MAP2K1: variants seen among roughly 807,000 people sequenced by gnomAD.
The protein encoded by MAP2K1 is mitogen-activated protein kinase kinase 1.
MAP2K1 carries 16 observed loss-of-function variants against 46.3 expected under a neutral mutation model. That is an observed-to-expected ratio of 0.35 (90% CI 0.23 to 0.52). The LOEUF (loss-of-function observed/expected upper bound fraction) is 0.52, where lower values mean the gene tolerates loss of function less well. Ranked by LOEUF, MAP2K1 falls within the 20% of genes least tolerant of loss-of-function variation. The pLI is 0.94. For synonymous variants in MAP2K1, 183 were observed against 185.6 expected (o/e 0.99, Z 0.11); for missense variants, 263 against 497.1 (o/e 0.53, Z 4.48).
intron 5 of MAP2K1, among the ~76,000 whole-genome samples, chr15:66,452,851 A>C (rs188973919): frequency 6.6e-6 from 1 of 152,246 alleles, no homozygotes; most frequent in Non-Finnish European, 1.5e-5. Flanking sequence ...TTTGGTTTCT[A>C]TATGTGTAAA....
At chr15:66,403,146 C>T (rs1021729294) in intron 1 of MAP2K1, among the ~76,000 whole-genome samples, 1 of 152,114 alleles carries the variant, frequency 6.6e-6, no homozygotes, top group Non-Finnish European at 1.5e-5. Flanking sequence ...GGTGGTTGAG[C>T]TTTTACTCTT....
intron 1 of MAP2K1, among the ~76,000 whole-genome samples, chr15:66,423,003 A>G (rs1390889780): frequency 1.3e-5 from 2 of 151,866 alleles, no homozygotes; most frequent in Non-Finnish European, 2.9e-5. Context: ...CTGGGCCTCA[A>G]GTGGTCAAGC....
At chr15:66,436,542 CACAGCTGGA>C (rs1185962121) in intron 2 of MAP2K1, among the ~76,000 whole-genome samples, 195 bp from the exon 3 acceptor site, 1 of 152,236 alleles carries the variant, frequency 6.6e-6, no homozygotes, top group African/African-American at 2.4e-5. Context: ...GGAGCCGAGG[CACAGCTGGA>C]ACAGCCTCCA....
chr15:66,400,166 A>G (rs2093377952), intron 1 of MAP2K1, among the ~76,000 whole-genome samples: 1 of 151,012 alleles, frequency 6.6e-6, no homozygotes, highest in East Asian at 1.9e-4. Flanking sequence ...ACAAACTAGC[A>G]AAAAAAAACC....
Position 66,387,381 on chromosome 15 carries a change from A to C in MAP2K1, c.34A>C (p.Asn12His), listed in dbSNP as rs1267190015. The stretch of plus-strand genomic sequence containing the variant: ...GAAGAAGCCGACGCCCATCCAGCTG[A>C]ACCCGGCCCCCGACGGCTCTGCAGT... ...PKKKPTPIQL[N>H]PAPDGSAVNG... is the part of the protein sequence containing the mutation. Residue 12 changes from asparagine to histidine, a missense_variant, in exon 1 of 11, where the codon AAC becomes CAC. Asn to His is a moderately conservative substitution (Grantham distance 68). Around this residue, in one of 4 missense-constraint regions of MAP2K1, gnomAD observed 31 missense variants for 29.9 expected, o/e 1.04. Coordinates refer to ENST00000307102, the MANE Select transcript of MAP2K1 (RefSeq NM_002755.4). 1.3e-6 allele frequency: 2 copies of C among 1,566,912 alleles called. No homozygotes were observed. Among genetic ancestry groups the C allele is most frequent in the South Asian group, 2.3e-5 (2 of 85,320 alleles).
chr15:66,487,057 T>TG (rs1302121309), intron 7 of MAP2K1, among the ~76,000 whole-genome samples, 171 bp from the exon 8 acceptor site: 2 of 152,194 alleles, frequency 1.3e-5, no homozygotes, highest in African/African-American at 4.8e-5. Flanking sequence ...AGCCCAGACT[T>TG]GTACCCTGGC....
intron 1 of MAP2K1, among the ~76,000 whole-genome samples, chr15:66,429,165 A>G (rs1364625498): frequency 6.6e-6 from 1 of 152,184 alleles, no homozygotes; most frequent in Non-Finnish European, 1.5e-5. Context: ...TGGGTAATTT[A>G]TAAAGTAAAG....
chr15:66,418,109 G>A (rs112535426), intron 1 of MAP2K1, among the ~76,000 whole-genome samples: 2 of 152,302 alleles, frequency 1.3e-5, no homozygotes, highest in Admixed American at 6.5e-5. Flanking sequence ...AAAAGGCCCC[G>A]TTGCAGAGTT....
intron 5 of MAP2K1, among the ~76,000 whole-genome samples, chr15:66,466,335 G>C (rs559382278): frequency 6.6e-6 from 1 of 152,328 alleles, no homozygotes; most frequent in Non-Finnish European, 1.5e-5. Context: ...TAATCAGGTA[G>C]AGAGAAACAA....
At chr15:66,392,069 T>G (rs2093357156) in intron 1 of MAP2K1, among the ~76,000 whole-genome samples, 1 of 152,068 alleles carries the variant, frequency 6.6e-6, no homozygotes, top group Non-Finnish European at 1.5e-5. Flanking sequence ...CAAGTATACC[T>G]ACATGAGGAG....
rs978950097 is a variant in MAP2K1 at position 66,453,449 on chromosome 15, T to C, written c.568+8742T>C. On this transcript the variant is annotated intron_variant, in intron 5 of 10. Coordinates refer to ENST00000307102, the MANE Select transcript of MAP2K1 (RefSeq NM_002755.4). Reference sequence around the variant, plus strand: ...CTCAGCATTTCAGACTCCTGTTGTTTACAAGTCTTCTCCAGAAGCCCTGGA... The same window carrying C: ...CTCAGCATTTCAGACTCCTGTTGTTCACAAGTCTTCTCCAGAAGCCCTGGA... The C allele has an allele frequency of 2.0e-5, 14 of 701,942 alleles. No individual in the cohort carries two copies. In the African/African-American group the frequency reaches 2.1e-4, roughly 10 times the overall value. The allele number at this position is 701,942 out of a possible 1,614,324, so 43.5% of individuals were successfully genotyped here.
intron 6 of MAP2K1, among the ~76,000 whole-genome samples, chr15:66,483,597 G>A (rs1207489543): frequency 1.3e-5 from 2 of 152,244 alleles, no homozygotes; most frequent in East Asian, 3.9e-4. Context: ...GATTTTTTCG[G>A]TAGGGTTCTT....
chr15:66,489,865 C>T (rs762454611), intron 10 of MAP2K1, 102 bp downstream of exon 10: 49 of 983,286 alleles, frequency 5.0e-5, no homozygotes, highest in Admixed American at 3.2e-4. Context: ...ATTCCCTGCC[C>T]ACTGTGGTCC....
chr15:66,482,726 G>T (rs985073974), intron 6 of MAP2K1, among the ~76,000 whole-genome samples: 4 of 152,210 alleles, frequency 2.6e-5, no homozygotes, highest in Non-Finnish European at 5.9e-5. Context: ...TGGCAAGTGG[G>T]TAGATGTTTA....
chr15:66,390,400 T>C (rs1018823616), intron 1 of MAP2K1, among the ~76,000 whole-genome samples: 12 of 152,220 alleles, frequency 7.9e-5, no homozygotes, highest in African/African-American at 2.2e-4. Flanking sequence ...TTGAACGTTA[T>C]CAGACAATGT....
chr15:66,422,305 A>T (rs928900480), intron 1 of MAP2K1, among the ~76,000 whole-genome samples: 2 of 152,164 alleles, frequency 1.3e-5, no homozygotes, highest in East Asian at 3.9e-4. Context: ...GATACCTATA[A>T]GTGTGTGTGA....
intron 3 of MAP2K1, among the ~76,000 whole-genome samples, chr15:66,438,440 C>G (rs2093494718): frequency 1.3e-5 from 2 of 152,182 alleles, no homozygotes; most frequent in African/African-American, 4.8e-5. Context: ...GAGGCTTCTT[C>G]ATTTACATTG....
chr15:66,399,612 A>G (rs62013664), intron 1 of MAP2K1, among the ~76,000 whole-genome samples: 8,559 of 151,626 alleles, frequency 0.056, 347 homozygotes, highest in Middle Eastern at 0.11. Context: ...GTGCCAATAC[A>G]CCCAGCTATT....
intron 5 of MAP2K1, among the ~76,000 whole-genome samples, chr15:66,468,270 T>C (rs1386761544): frequency 6.9e-6 from 1 of 144,962 alleles, no homozygotes; most frequent in Admixed American, 6.7e-5. Context: ...ACAGACCTCC[T>C]TTTTTTTTCC....
Sources: gnomAD v4.1 joint callset for allele counts (sites outside exome capture counted in the v4.1 genomes callset) on GRCh38, gnomAD v4.1.1 for gene constraint, gnomAD v4.1.1 regional missense constraint, MANE v1.5 for transcripts, NCBI Gene and HGNC (gene_info 2026-07-23, HGNC 2026-07-21) for gene names.